Variants in SHMT1 observed in about 807,000 individuals in gnomAD.
The protein encoded by SHMT1 is serine hydroxymethyltransferase 1.
SHMT1 carries 45 observed loss-of-function variants against 49.0 expected under a neutral mutation model. The ratio of observed to expected loss-of-function variants is 0.92; its 90% CI spans 0.72 to 1.18. SHMT1 has a LOEUF of 1.18. Ranked by LOEUF, SHMT1 falls within the 50% of genes most tolerant of loss-of-function variation. The pLI is 0.00. For synonymous variants in SHMT1, 232 were observed against 246.6 expected (o/e 0.94, Z 0.55); for missense variants, 541 against 612.4 (o/e 0.88, Z 1.23).
At chr17:18,354,828 A>G (rs1226110329) in intron 2 of SHMT1, among the ~76,000 whole-genome samples, 1 of 148,798 alleles carries the variant, frequency 6.7e-6, no homozygotes, top group East Asian at 2.0e-4. Context: ...TCACGAGGTC[A>G]GGAGATCAAG....
At chr17:18,352,841 A>G (rs997914252) in intron 3 of SHMT1, among the ~76,000 whole-genome samples, 4 of 151,636 alleles carry the variant, frequency 2.6e-5, no homozygotes, top group Non-Finnish European at 5.9e-5. Flanking sequence ...AAAAAAAAGA[A>G]AACACCTGGT....
At chr17:18,336,328 T>G (rs1983788851) in intron 7 of SHMT1, among the ~76,000 whole-genome samples, 1 of 151,748 alleles carries the variant, frequency 6.6e-6, no homozygotes, top group Admixed American at 6.6e-5. Context: ...ACTAACATTG[T>G]AACCAAGAAT....
At chr17:18,337,467 T>C (rs918547354) in intron 7 of SHMT1, among the ~76,000 whole-genome samples, 5 of 152,144 alleles carry the variant, frequency 3.3e-5, no homozygotes, top group African/African-American at 4.8e-5. Context: ...TGAGGGGGCA[T>C]GTGGCTGTGT....
At chr17:18,342,371 C>T (rs933076304) in intron 5 of SHMT1, among the ~76,000 whole-genome samples, 7 of 151,954 alleles carry the variant, frequency 4.6e-5, no homozygotes, top group South Asian at 2.1e-4. Flanking sequence ...GGCTGGAGTG[C>T]GGTGGTGCCA....
intron 1 of SHMT1, among the ~76,000 whole-genome samples, chr17:18,358,553 C>T (rs940094547): frequency 5.3e-5 from 8 of 152,124 alleles, no homozygotes; most frequent in Non-Finnish European, 1.0e-4. Flanking sequence ...GGACTCGAAA[C>T]CCCAAAGCAC....
At chr17:18,357,456 G>C (rs1250612226) in intron 1 of SHMT1, among the ~76,000 whole-genome samples, 1 of 152,020 alleles carries the variant, frequency 6.6e-6, no homozygotes, top group African/African-American at 2.4e-5. Flanking sequence ...ATGATGAACA[G>C]GATATAGGCA....
At position 18,340,579 on chromosome 17, in the gene SHMT1, G is replaced by T; in HGVS notation, c.601+153C>A. ...AGCAGCAAACACACATCTGTATCCT[G>T]AAAGAAACTAATATATGTAGACCCC... On this transcript the variant is annotated intron_variant, in intron 6 of 11. Transcript: ENST00000316694. The surrounding 1 kb of genome is among the most constrained non-coding windows in gnomAD (Gnocchi z 4.5). The T allele has an allele frequency of 1.4e-6, 1 of 739,958 alleles. No individual in the cohort carries two copies. The highest frequency in any genetic ancestry group is 2.4e-6 in the Non-Finnish European group (1 of 416,776). The allele number at this position is 739,958 out of a possible 1,614,324, so 45.8% of individuals were successfully genotyped here. A position where few individuals can be genotyped will look rare whatever the true frequency, so the allele number is the denominator to read the frequency against.
chr17:18,329,952 C>T (rs980766807), intron 10 of SHMT1, among the ~76,000 whole-genome samples: 1 of 152,186 alleles, frequency 6.6e-6, no homozygotes, highest in Admixed American at 6.5e-5. Flanking sequence ...GCCTCTGCCT[C>T]CTGGGTTCAA....
At chr17:18,357,731 T>C (rs145748342) in intron 1 of SHMT1, among the ~76,000 whole-genome samples, 1 of 152,000 alleles carries the variant, frequency 6.6e-6, no homozygotes, top group Non-Finnish European at 1.5e-5. Flanking sequence ...GGGCCAGGCA[T>C]GGCAACTCAC....
At chr17:18,337,567 C>CCTCCCTCTCCCCACGGT (rs1983933078) in intron 7 of SHMT1, among the ~76,000 whole-genome samples, 1 of 150,906 alleles carries the variant, frequency 6.6e-6, no homozygotes, top group Non-Finnish European at 1.5e-5. Context: ...TCCCCCTCCC[C>CCTCCCTCTCCCCACGGT]CTCCCTCTCC....
At position 18,329,370 on chromosome 17, in the gene SHMT1, C is replaced by T. The variant is rs368256562; in HGVS notation, c.1190G>A (p.Arg397Gln). 44 of 1,612,556 alleles carry T rather than the reference C, an allele frequency of 2.7e-5. 1 individual carries two copies. The highest frequency in any genetic ancestry group is 2.7e-4 in the African/African-American group (20 of 74,886). Residue 397 changes from arginine to glutamine, a missense_variant, in exon 11 of 12, where the codon CGG (arginine) becomes CAG (glutamine). Coordinates refer to ENST00000316694, the MANE Select transcript of SHMT1 (RefSeq NM_004169.5). ...GGTCCCCAGCCGCAGTCCACTGGGCCGCAGAGCGCTTCTGTCACCTACAAG... is the reference window on the plus strand; with the variant it reads ...GGTCCCCAGCCGCAGTCCACTGGGCTGCAGAGCGCTTCTGTCACCTACAAG... ...NTCPGDRSAL[R>Q]PSGLRLGTPA...
chr17:18,339,017 A>G (rs1019293883), intron 7 of SHMT1, among the ~76,000 whole-genome samples: 1 of 116,644 alleles, frequency 8.6e-6, no homozygotes, highest in South Asian at 3.0e-4. Flanking sequence ...ATCCCCCTCC[A>G]CGAGAAACAC....
intron 7 of SHMT1, 145 bp from the exon 8 acceptor site, chr17:18,335,820 A>G: frequency 1.4e-6 from 1 of 731,482 alleles, no homozygotes. Flanking sequence ...AACACAGCGG[A>G]GCAGAGGGGA....
chr17:18,333,371 T>G (rs1411837179), intron 8 of SHMT1, 83 bp from the exon 9 acceptor site: 32 of 1,403,346 alleles, frequency 2.3e-5, no homozygotes, highest in Non-Finnish European at 3.1e-5. Context: ...CTGTTTTTAC[T>G]CAAGCTTCCT....
rs1337458255 is a variant in SHMT1 at position 18,340,135 on chromosome 17, AC to A, written c.721del (p.Val241CysfsTer11). 1.2e-6 allele frequency: 2 copies of A among 1,614,106 alleles called. No homozygotes were observed. Among genetic ancestry groups the A allele is most frequent in the South Asian group, 1.1e-5 (1 of 91,076 alleles). On this transcript the variant is annotated frameshift_variant, in exon 7 of 12. Coordinates refer to ENST00000316694, the MANE Select transcript of SHMT1 (RefSeq NM_004169.5). LOFTEE classifies it high-confidence loss of function. The surrounding 1 kb of genome is among the most constrained non-coding windows in gnomAD (Gnocchi z 4.5). ...HISGLVAAGV[V>X]PSPFEHCHVV... is the part of the protein sequence containing the mutation. ...ATGGCAGTGTTCAAATGGGGAGGGCACCACGCCAGCCGCCACCAGCCCGCTG... is the reference window on the plus strand; with the variant it reads ...ATGGCAGTGTTCAAATGGGGAGGGCACACGCCAGCCGCCACCAGCCCGCTG...
intron 8 of SHMT1, among the ~76,000 whole-genome samples, chr17:18,335,249 C>A (rs1313940708): frequency 6.6e-6 from 1 of 152,248 alleles, no homozygotes; most frequent in Non-Finnish European, 1.5e-5. Flanking sequence ...GGACCCCAAT[C>A]TCTCTCACCT....
In SHMT1 at chr17:18,344,577, G is replaced by GAAAAA. The variant is rs10655994; in HGVS notation, c.519+2914_519+2918dup. On this transcript the variant is annotated intron_variant, in intron 5 of 11. Coordinates refer to ENST00000316694, the MANE Select transcript of SHMT1 (RefSeq NM_004169.5). ...ATTTTTTGTGTAGCCACAATTACCG[G>GAAAAA]AAAAAAAAAAAAAAAAAAAAAAGCC... Among the ~76,000 whole-genome samples the GAAAAA allele has an allele frequency of 1.3e-3, 86 of 65,368 alleles. 1 individual carries two copies. Among genetic ancestry groups the GAAAAA allele is most frequent in the African/African-American group, 3.3e-3 (55 of 16,758 alleles). The allele number at this position is 65,368 out of a possible 152,430, so 42.9% of individuals were successfully genotyped here. A position where few individuals can be genotyped will look rare whatever the true frequency, so the allele number is the denominator to read the frequency against.
At chr17:18,350,753 G>C (rs1985601254) in intron 3 of SHMT1, among the ~76,000 whole-genome samples, 2 of 149,864 alleles carry the variant, frequency 1.3e-5, no homozygotes. Flanking sequence ...TTTTTTCTGA[G>C]ATGGAGTCTT....
chr17:18,361,818 G>A (rs1051806094), intron 1 of SHMT1, among the ~76,000 whole-genome samples: 1 of 151,830 alleles, frequency 6.6e-6, no homozygotes, highest in Non-Finnish European at 1.5e-5. Context: ...GGGAATCTTA[G>A]GGACATCTTC....
Sources: gnomAD v4.1 joint callset for allele counts (sites outside exome capture counted in the v4.1 genomes callset) on GRCh38, gnomAD v4.1.1 for gene constraint, Gnocchi (gnomAD v3.1) non-coding constraint, MANE v1.5 for transcripts, NCBI Gene and HGNC (gene_info 2026-07-23, HGNC 2026-07-21) for gene names.